The following GEMIN7 variants were observed in gnomAD, a reference collection of about 807,000 sequenced individuals.
The protein encoded by GEMIN7 is gem-associated protein 7.
In GEMIN7, 7 loss-of-function variants were observed where a neutral mutation model predicts 7.8. That is an observed-to-expected ratio of 0.90 (90% CI 0.51 to 1.69). The LOEUF (loss-of-function observed/expected upper bound fraction) is 1.69, where lower values mean the gene tolerates loss of function less well. Among genes scored for constraint, GEMIN7 ranks in the 40% most tolerant of loss-of-function variants. The pLI is 0.00. For missense variants in GEMIN7, 159 were observed against 176.2 expected (o/e 0.90, Z 0.55); for synonymous variants, 68 against 72.4 (o/e 0.94, Z 0.31).
chr19:45,078,476 AC>A (rs1967401466), upstream of GEMIN7, among the ~76,000 whole-genome samples: 2 of 152,012 alleles, frequency 1.3e-5, no homozygotes, highest in African/African-American at 4.8e-5. Flanking sequence ...TGTCCCTTCT[AC>A]CCCCACTAGA....
chr19:45,084,724 C>A (rs758134205), intron 2 of GEMIN7, among the ~76,000 whole-genome samples: 1 of 152,170 alleles, frequency 6.6e-6, no homozygotes, highest in Non-Finnish European at 1.5e-5. Context: ...ATTACAGGAG[C>A]CTGCCACCAT....
intron 2 of GEMIN7, among the ~76,000 whole-genome samples, chr19:45,081,722 G>A (rs1967510993): frequency 6.6e-6 from 1 of 151,968 alleles, no homozygotes; most frequent in Non-Finnish European, 1.5e-5. Flanking sequence ...CGCTTCCCGG[G>A]TTCAAGCGAT....
upstream of GEMIN7, chr19:45,077,008 A>G: frequency 6.6e-6 from 1 of 152,208 alleles, no homozygotes; most frequent in East Asian, 1.9e-4. Context: ...CCATGGAGCA[A>G]AAGAAAGCTG....
At chr19:45,077,655 GTCC>G (rs1231305319), upstream of GEMIN7, among the ~76,000 whole-genome samples, 7 of 152,024 alleles carry the variant, frequency 4.6e-5, no homozygotes, top group East Asian at 1.4e-3. Flanking sequence ...GGGTTCCATT[GTCC>G]TCCTGAGAGC....
Position 45,085,863 on chromosome 19 carries a change from C to CT in GEMIN7, c.-8-4222dup, listed in dbSNP as rs869044428. Among the ~76,000 whole-genome samples, 718 of 88,324 alleles carry CT rather than the reference C, an allele frequency of 8.1e-3. 36 individuals are homozygous for CT. The highest frequency in any genetic ancestry group is 0.022 in the Middle Eastern group (2 of 92). The allele number at this position is 88,324 out of a possible 152,430, so 57.9% of individuals were successfully genotyped here. On this transcript the variant is annotated intron_variant, in intron 2 of 2. Coordinates refer to ENST00000270257, the MANE Select transcript of GEMIN7 (RefSeq NM_024707.3). ...TCGGGAGACTGAGGCACAAGAATCT[C>CT]TTTTTTTTTTTTTTTTTTTTTTGAG...
At chr19:45,080,496 C>A (rs1355431441) in intron 2 of GEMIN7, among the ~76,000 whole-genome samples, 1 of 152,050 alleles carries the variant, frequency 6.6e-6, no homozygotes, top group African/African-American at 2.4e-5. Context: ...CTGCCTCAGC[C>A]TCCTGCGTAG....
At chr19:45,082,750 C>G (rs1211162976) in intron 2 of GEMIN7, among the ~76,000 whole-genome samples, 1 of 151,438 alleles carries the variant, frequency 6.6e-6, no homozygotes, top group Non-Finnish European at 1.5e-5. Flanking sequence ...TCCTTAGTAG[C>G]TGGGACTCTA....
chr19:45,084,671 G>A (rs1314197715), intron 2 of GEMIN7, among the ~76,000 whole-genome samples: 4 of 152,196 alleles, frequency 2.6e-5, no homozygotes, highest in South Asian at 2.1e-4. Flanking sequence ...TCTGCCTCCC[G>A]GGTTCAAGAG....
At chr19:45,089,229 A>G (rs1236515245) in intron 2 of GEMIN7, among the ~76,000 whole-genome samples, 2 of 152,110 alleles carry the variant, frequency 1.3e-5, no homozygotes, top group Non-Finnish European at 2.9e-5. Flanking sequence ...GGTGTGAGCC[A>G]CCGCACCCGG....
intron 2 of GEMIN7, among the ~76,000 whole-genome samples, chr19:45,082,595 C>T (rs1047732879): frequency 2.4e-4 from 37 of 152,022 alleles, no homozygotes; most frequent in African/African-American, 8.7e-4. Flanking sequence ...GATGTGCTAA[C>T]AATGCTAGAT....
At position 45,090,324 on chromosome 19, in the gene GEMIN7, G is replaced by T; in HGVS notation, c.210G>T (p.Leu70=). ...AALRERYLRS[L]LAMVGHQVSF... Reference sequence around the variant, plus strand: ...TTCGGGAGCGTTACCTCCGCAGCCTGCTGGCCATGGTGGGTCATCAGGTGA... The same window carrying T: ...TTCGGGAGCGTTACCTCCGCAGCCTTCTGGCCATGGTGGGTCATCAGGTGA... Residue 70 remains leucine, a synonymous_variant, in exon 3 of 3, where the codon CTG becomes CTT. Coordinates refer to ENST00000270257, the MANE Select transcript of GEMIN7 (RefSeq NM_024707.3). 6.2e-7 allele frequency: 1 copy of T among 1,614,176 alleles called. No homozygotes were observed. The highest frequency in any genetic ancestry group is 2.2e-5 in the East Asian group (1 of 44,888).
upstream of GEMIN7, among the ~76,000 whole-genome samples, chr19:45,077,587 CCAGATGCTGATTT>C (rs1394122476): frequency 1.3e-5 from 2 of 152,164 alleles, no homozygotes; most frequent in Non-Finnish European, 2.9e-5. Context: ...TGTCCTCAGC[CCAGATGCTGATTT>C]CAGATGCTGA....
upstream of GEMIN7, chr19:45,076,395 A>AGCGGGCGGGCAGGCAGGCAG (rs1555735040): frequency 4.4e-5 from 55 of 1,249,986 alleles, no homozygotes; most frequent in Non-Finnish European, 3.6e-5. The surrounding 1 kb of genome is among the most constrained non-coding windows in gnomAD (Gnocchi z 4.9). Flanking sequence ...CGGGCGAGCG[A>AGCGGGCGGGCAGGCAGGCAG]GCGGGCGGGC....
upstream of GEMIN7, chr19:45,076,351 C>A: frequency 7.4e-7 from 1 of 1,355,978 alleles, no homozygotes; most frequent in Non-Finnish European, 9.5e-7. This position sits in a 1 kb window ranked among gnomAD's most constrained non-coding sequence, Gnocchi z 4.9. Flanking sequence ...GCGGGGCGCG[C>A]TGCCGGCCTT....
chr19:45,082,518 GCT>G (rs1360139752), intron 2 of GEMIN7, among the ~76,000 whole-genome samples: 1 of 152,152 alleles, frequency 6.6e-6, no homozygotes, highest in Non-Finnish European at 1.5e-5. Flanking sequence ...GCGGAACTGG[GCT>G]CTCAGTCCTA....
chr19:45,084,743 C>G (rs1414595376), intron 2 of GEMIN7, among the ~76,000 whole-genome samples: 1 of 152,156 alleles, frequency 6.6e-6, no homozygotes, highest in Non-Finnish European at 1.5e-5. Flanking sequence ...ATGCCCAGCC[C>G]AGCTAATTTT....
chr19:45,083,858 C>CA (rs1321985440), intron 2 of GEMIN7, among the ~76,000 whole-genome samples: 1 of 151,840 alleles, frequency 6.6e-6, no homozygotes, highest in Non-Finnish European at 1.5e-5. Flanking sequence ...CTCAGCCTCC[C>CA]AAAGTTCTGG....
At chr19:45,082,424 T>C (rs1403016352) in intron 2 of GEMIN7, among the ~76,000 whole-genome samples, 1 of 152,182 alleles carries the variant, frequency 6.6e-6, no homozygotes, top group Non-Finnish European at 1.5e-5. Context: ...TCCTCTGGAC[T>C]CCTTCATTCC....
intron 2 of GEMIN7, among the ~76,000 whole-genome samples, chr19:45,082,642 G>T (rs1164568330): frequency 6.6e-6 from 1 of 151,834 alleles, no homozygotes; most frequent in Non-Finnish European, 1.5e-5. Context: ...TTTGAGACAG[G>T]GTCTCATACT....
Sources: allele counts gnomAD v4.1 joint callset (sites outside exome capture counted in the v4.1 genomes callset), GRCh38; gene constraint gnomAD v4.1.1; non-coding constraint Gnocchi (gnomAD v3.1); transcripts MANE v1.5; gene names NCBI Gene and HGNC (gene_info 2026-07-23, HGNC 2026-07-21).